The following PPP2R5A variants were observed in gnomAD, a reference collection of about 807,000 sequenced individuals.
The protein encoded by PPP2R5A is serine/threonine-protein phosphatase 2A 56 kDa regulatory subunit alpha isoform.
PPP2R5A carries 25 observed loss-of-function variants against 64.2 expected under a neutral mutation model. That is an observed-to-expected ratio of 0.39 (90% CI 0.28 to 0.54). The LOEUF is 0.54. Ranked by LOEUF, PPP2R5A falls within the 20% of genes least tolerant of loss-of-function variation. PPP2R5A has a pLI of 0.67. For synonymous variants in PPP2R5A, 198 were observed against 201.2 expected (o/e 0.98, Z 0.13); for missense variants, 425 against 576.3 (o/e 0.74, Z 2.69).
chr1:212,333,521 C>T lies in PPP2R5A; in HGVS notation c.403C>T (p.Leu135Phe). 1 of 1,598,016 alleles carries T rather than the reference C, an allele frequency of 6.3e-7. No homozygotes were observed. Among genetic ancestry groups the T allele is most frequent in the Non-Finnish European group, 8.5e-7 (1 of 1,170,606 alleles). Residue 135 changes from leucine (L) to phenylalanine (F), a missense_variant, in exon 3 of 13, where the codon CTT becomes TTT. Physicochemically the swap from Leu to Phe is conservative, Grantham distance 22. Transcript: ENST00000261461. ...KMISANIFRT[L>F]PPSDNPDFDP... ...GATCAGTGCTAACATCTTCCGTACA[C>T]TTCCTCCAAGTGATAATCCAGATTT...
chr1:212,347,950 G>T (rs1223001300), intron 6 of PPP2R5A, among the ~76,000 whole-genome samples: 3 of 152,138 alleles, frequency 2.0e-5, no homozygotes, highest in African/African-American at 7.2e-5. Flanking sequence ...TTTAGACAAT[G>T]ATTTTAGTTT....
At position 212,333,435 on chromosome 1, in the gene PPP2R5A, T is replaced by C. The variant is rs1659541081; in HGVS notation, c.379-62T>C. ...GAAAGTGATCTTTAAAATACTTCGT[T>C]TTGAATTGTCCAATTCAATTACACA... On this transcript the variant is annotated intron_variant, in intron 2 of 12. Coordinates refer to ENST00000261461, the MANE Select transcript of PPP2R5A (RefSeq NM_006243.4). 53 of 1,084,650 alleles carry C rather than the reference T, an allele frequency of 4.9e-5. No homozygotes were observed. In the South Asian group the frequency reaches 1.1e-3, roughly 23 times the overall value. The allele number at this position is 1,084,650 out of a possible 1,614,324, so 67.2% of individuals were successfully genotyped here.
At chr1:212,335,989 T>C (rs1659587723) in intron 3 of PPP2R5A, among the ~76,000 whole-genome samples, 1 of 152,210 alleles carries the variant, frequency 6.6e-6, no homozygotes, top group African/African-American at 2.4e-5. Flanking sequence ...TTGAGCCAAG[T>C]AGACAATATG....
chr1:212,307,573 C>T (rs938771633), intron 1 of PPP2R5A, among the ~76,000 whole-genome samples: 1 of 152,032 alleles, frequency 6.6e-6, no homozygotes, highest in Non-Finnish European at 1.5e-5. Flanking sequence ...ATCAACCGTC[C>T]AATGGTACAT....
At chr1:212,349,120 T>G (rs141411400) in intron 7 of PPP2R5A, 69 bp from the exon 8 acceptor site, 2 of 1,114,238 alleles carry the variant, frequency 1.8e-6, no homozygotes, top group African/African-American at 3.2e-5. Flanking sequence ...AAATATTGGC[T>G]AAATATAAAA....
intron 3 of PPP2R5A, among the ~76,000 whole-genome samples, chr1:212,335,033 C>T (rs534440127): frequency 3.9e-5 from 6 of 152,156 alleles, no homozygotes; most frequent in African/African-American, 9.6e-5. Flanking sequence ...TGTTGCTATA[C>T]TTGATGGTGT....
At position 212,334,598 on chromosome 1, in the gene PPP2R5A, T is replaced by A. The variant is rs978178872; in HGVS notation, c.480+1000T>A. Among the ~76,000 whole-genome samples the A allele has an allele frequency of 2.0e-5, 3 of 152,322 alleles. 1 individual carries two copies. The South Asian group carries it at 6.2e-4, about 32-fold the overall frequency. ...TGCAATTAATGACAAATTCTTTCAG[T>A]GTTTATCTAGGAATGTCTTAATTTC... is the stretch of plus-strand genomic sequence containing the variant. On this transcript the variant is annotated intron_variant, in intron 3 of 12. Coordinates refer to ENST00000261461, the MANE Select transcript of PPP2R5A (RefSeq NM_006243.4).
chr1:212,339,010 C>T (rs764180736), intron 3 of PPP2R5A, among the ~76,000 whole-genome samples: 2 of 152,020 alleles, frequency 1.3e-5, no homozygotes, highest in African/African-American at 2.4e-5. Flanking sequence ...TTCTATGTTA[C>T]GGTGTGATAC....
chr1:212,325,627 CA>C (rs995073975), intron 1 of PPP2R5A, among the ~76,000 whole-genome samples: 4 of 151,708 alleles, frequency 2.6e-5, no homozygotes, highest in African/African-American at 7.3e-5. Context: ...ACTGTTTCAC[CA>C]AGTCATCATT....
intron 6 of PPP2R5A, among the ~76,000 whole-genome samples, chr1:212,348,060 A>G (rs1479789857): frequency 6.6e-6 from 1 of 152,164 alleles, no homozygotes; most frequent in African/African-American, 2.4e-5. Context: ...AAAATATTGA[A>G]CATTCTAACA....
At chr1:212,315,393 C>T (rs773374191) in intron 1 of PPP2R5A, among the ~76,000 whole-genome samples, 18 of 152,186 alleles carry the variant, frequency 1.2e-4, no homozygotes, top group Non-Finnish European at 2.1e-4. Flanking sequence ...AATGAGGTTT[C>T]ATTTTCCATG....
intron 1 of PPP2R5A, chr1:212,299,403 C>G (rs1658758294): frequency 1.3e-5 from 2 of 152,190 alleles, no homozygotes. Context: ...TGATTAGAAT[C>G]TACTTGTTTT....
intron 1 of PPP2R5A, among the ~76,000 whole-genome samples, chr1:212,293,211 C>T (rs1658634338): frequency 2.0e-5 from 3 of 152,058 alleles, no homozygotes; most frequent in East Asian, 3.8e-4. Context: ...TGCCAATGAC[C>T]AGTATGAGTG....
rs555752397 is a variant in PPP2R5A at position 212,335,180 on chromosome 1, T to C, written c.480+1582T>C. 5.9e-5 allele frequency among the ~76,000 whole-genome samples: 9 copies of C among 152,110 alleles called. No homozygotes were observed. The East Asian group carries it at 1.4e-3, about 23-fold the overall frequency. ...GTAGTGACCTTTACATTTTCTGTTA[T>C]TATAAAAAGATGAGAGAGGCCAGGC... On this transcript the variant is annotated intron_variant, in intron 3 of 12. Transcript: ENST00000261461.
chr1:212,334,399 A>G (rs1174360741), intron 3 of PPP2R5A, among the ~76,000 whole-genome samples: 1 of 151,984 alleles, frequency 6.6e-6, no homozygotes, highest in Non-Finnish European at 1.5e-5. Context: ...GGCTCAAGCC[A>G]TCCTCCCACC....
In PPP2R5A at chr1:212,338,933, G is replaced by A. The variant is rs1659635857; in HGVS notation, c.481-3255G>A. Reference sequence around the variant, plus strand: ...TTGTAAACATTGAGGGTAAAGTAATGAACTAAGCAAAATCCCTTACATCCT... The same window carrying A: ...TTGTAAACATTGAGGGTAAAGTAATAAACTAAGCAAAATCCCTTACATCCT... On this transcript the variant is annotated intron_variant, in intron 3 of 12. Coordinates refer to ENST00000261461, the MANE Select transcript of PPP2R5A (RefSeq NM_006243.4). Among the ~76,000 whole-genome samples, 3 of 152,118 alleles carry A rather than the reference G, an allele frequency of 2.0e-5. No homozygotes were observed. The South Asian group carries it at 6.2e-4, about 32-fold the overall frequency.
Position 212,361,444 on chromosome 1 carries a change from G to A in PPP2R5A, c.*674G>A, listed in dbSNP as rs1368565265. The A allele has an allele frequency of 6.6e-6, 1 of 152,664 alleles. No individual in the cohort carries two copies. Among genetic ancestry groups the A allele is most frequent in the Non-Finnish European group, 1.5e-5 (1 of 68,044 alleles). The allele number at this position is 152,664 out of a possible 1,614,324, so 9.5% of individuals were successfully genotyped here. On this transcript the variant is annotated 3_prime_UTR_variant, in exon 13 of 13. Coordinates refer to ENST00000261461, the MANE Select transcript of PPP2R5A (RefSeq NM_006243.4). ...TCTGCAATTCTCCAGAGTGGTAACA[G>A]ATGGGTAGAGGCAGCTCAGGTGAAT...
intron 1 of PPP2R5A, among the ~76,000 whole-genome samples, chr1:212,316,587 C>CA: frequency 2.7e-5 from 1 of 36,690 alleles, no homozygotes; most frequent in African/African-American, 8.1e-5. Context: ...TTGTGGGTGA[C>CA]TTTTTTTTTT....
intron 2 of PPP2R5A, among the ~76,000 whole-genome samples, chr1:212,331,897 GTACTT>G (rs1285979648): frequency 6.6e-6 from 1 of 152,134 alleles, no homozygotes; most frequent in Non-Finnish European, 1.5e-5. Context: ...AAATTTATGA[GTACTT>G]AATTTAATAT....
Sources: gnomAD v4.1 joint callset for allele counts (sites outside exome capture counted in the v4.1 genomes callset) on GRCh38, gnomAD v4.1.1 for gene constraint, MANE v1.5 for transcripts, NCBI Gene and HGNC (gene_info 2026-07-23, HGNC 2026-07-21) for gene names.